TNFRSF1A: variants seen among roughly 807,000 people sequenced by gnomAD.
TNFRSF1A encodes the protein tumor necrosis factor receptor superfamily member 1A.
TNFRSF1A carries 9 observed loss-of-function variants against 41.6 expected under a neutral mutation model. The ratio of observed to expected loss-of-function variants is 0.22; its 90% CI spans 0.13 to 0.38. TNFRSF1A has a LOEUF of 0.38. Ranked by LOEUF, TNFRSF1A falls within the 10% of genes least tolerant of loss-of-function variation. TNFRSF1A has a pLI of 1.00. For synonymous variants in TNFRSF1A, 254 were observed against 248.6 expected, an observed-to-expected ratio of 1.02 and a Z score of -0.21; for missense variants, 463 against 591.5, an observed-to-expected ratio of 0.78 and a Z score of 2.25.
intron 1 of TNFRSF1A, among the ~76,000 whole-genome samples, chr12:6,338,528 C>A (rs1948147842): frequency 6.6e-6 from 1 of 152,054 alleles, no homozygotes; most frequent in Non-Finnish European, 1.5e-5. Flanking sequence ...CTCCAAACAG[C>A]ATTTCCATGG....
Position 6,341,694 on chromosome 12 carries a change from C to A in TNFRSF1A, c.39+82G>T. 1 of 1,527,982 alleles carries A rather than the reference C, an allele frequency of 6.5e-7. No homozygotes were observed. The allele number at this position is 1,527,982 out of a possible 1,614,324, so 94.7% of individuals were successfully genotyped here. On this transcript the variant is annotated intron_variant, in intron 1 of 9. Transcript: ENST00000162749. This position sits in a 1 kb window ranked among gnomAD's most constrained non-coding sequence, Gnocchi z 4.6. ...GGACCAGGCCCGGGCAGGAGAGGCT[C>A]GGCCCCCTCCCGGAGAGGGCCCACG... is the stretch of plus-strand genomic sequence containing the variant.
intron 8 of TNFRSF1A, 29 bp from the exon 9 acceptor site, chr12:6,330,095 G>A: frequency 6.2e-7 from 1 of 1,612,560 alleles, no homozygotes; most frequent in Non-Finnish European, 8.5e-7. Context: ...CGCAGCATTA[G>A]TGCGGCAGCG....
rs151344627 is a variant in TNFRSF1A, at chr12:6,335,225, G to A, written c.40-981C>T. ...TCCACCTCAAAATTTACAAACACCC[G>A]GGGTTGGCAAGGACAAATGGGGAGG... On this transcript the variant is annotated intron_variant, in intron 1 of 9. Transcript: ENST00000162749. Among the ~76,000 whole-genome samples the A allele has an allele frequency of 2.5e-3, 379 of 152,234 alleles. 2 individuals carry two copies. Among genetic ancestry groups the A allele is most frequent in the Non-Finnish European group, 4.3e-3 (290 of 68,014 alleles).
Position 6,330,844 on chromosome 12 carries a change from T to TCTC in TNFRSF1A, c.625+6_625+8dup. 6.2e-7 allele frequency: 1 copy of TCTC among 1,612,906 alleles called. No homozygotes were observed. Among genetic ancestry groups the TCTC allele is most frequent in the Non-Finnish European group, 8.5e-7 (1 of 1,179,228 alleles). On this transcript the variant is annotated intron_variant, in intron 6 of 9. Coordinates refer to ENST00000162749, the MANE Select transcript of TNFRSF1A (RefSeq NM_001065.4). ...AGGTGAGCATGGGCACCAGGTCACT[T>TCTC]CTCCTCACCTGAGTCCTCAGTGCCC...
chr12:6,340,750 C>A (rs895983507), intron 1 of TNFRSF1A, among the ~76,000 whole-genome samples: 2 of 152,144 alleles, frequency 1.3e-5, no homozygotes, highest in Non-Finnish European at 2.9e-5. Context: ...GTAGGCGCAG[C>A]CTTCAGAGGC....
At position 6,328,985 on chromosome 12, in the gene TNFRSF1A, GA is replaced by G; in HGVS notation, c.*326del. 8.3e-6 allele frequency: 3 copies of G among 362,446 alleles called. No individual in the cohort carries two copies. Among genetic ancestry groups the G allele is most frequent in the East Asian group, 4.1e-5 (1 of 24,402 alleles). The allele number at this position is 362,446 out of a possible 1,614,324, so 22.5% of individuals were successfully genotyped here. A position where few individuals can be genotyped will look rare whatever the true frequency, so the allele number is the denominator to read the frequency against. ...ACAAAAAAAACTGCTTATGCACTGT[GA>G]AAAAGGCTCAGGGACGAACCAGGGG... On this transcript the variant is annotated 3_prime_UTR_variant, in exon 10 of 10. Transcript: ENST00000162749.
At chr12:6,339,839 T>TCACACACACA (rs1312763687) in intron 1 of TNFRSF1A, among the ~76,000 whole-genome samples, 2 of 120,888 alleles carry the variant, frequency 1.7e-5, no homozygotes, top group African/African-American at 6.2e-5. Flanking sequence ...TCTCTCTCTC[T>TCACACACACA]CTCACACACA....
Position 6,333,348 on chromosome 12 carries a change from T to C in TNFRSF1A, c.472+19A>G. 6.2e-7 allele frequency: 1 copy of C among 1,612,058 alleles called. No individual in the cohort carries two copies. The highest frequency in any genetic ancestry group is 8.5e-7 in the Non-Finnish European group (1 of 1,179,164). On this transcript the variant is annotated intron_variant, in intron 4 of 9. Coordinates refer to ENST00000162749, the MANE Select transcript of TNFRSF1A (RefSeq NM_001065.4). The surrounding 1 kb of genome is among the most constrained non-coding windows in gnomAD (Gnocchi z 6.3). Reference sequence around the variant, plus strand: ...CCTGGGGTGGGGAGAGGGCTTGGCCTCAGGAGAGCTGCGCTCACAGGAGAG... The same window carrying C: ...CCTGGGGTGGGGAGAGGGCTTGGCCCCAGGAGAGCTGCGCTCACAGGAGAG...
chr12:6,331,312 G>A, intron 5 of TNFRSF1A: 1 of 331,990 alleles, frequency 3.0e-6, no homozygotes, highest in South Asian at 2.6e-5. Flanking sequence ...CATTTAATAA[G>A]TGCTTGAGAA....
In TNFRSF1A at chr12:6,329,848, G is replaced by A. The variant is rs138261783; in HGVS notation, c.987C>T (p.Leu329=). 105 of 1,601,856 alleles carry A rather than the reference G, an allele frequency of 6.6e-5. No homozygotes were observed. In the African/African-American group the frequency reaches 1.4e-3, roughly 21 times the overall value. ...QGADPILATA[L]ASDPIPNPLQ... ...GGGGGTTGGGGATGGGGTCGGAGGC[G>A]AGGGCTGTCGCAAGGATGGGGTCAG... The change falls in exon 9 of 10, where the codon CTC becomes CTT. Residue 329 remains leucine, a synonymous_variant. Transcript: ENST00000162749.
intron 1 of TNFRSF1A, among the ~76,000 whole-genome samples, chr12:6,339,994 A>G (rs565148794): frequency 2.7e-4 from 41 of 152,194 alleles, no homozygotes; most frequent in Middle Eastern, 3.4e-3. Context: ...ACATAATCCC[A>G]CCTGGGCTGA....
chr12:6,331,188 C>T (rs1331295531), intron 5 of TNFRSF1A: 9 of 524,334 alleles, frequency 1.7e-5, no homozygotes, highest in Non-Finnish European at 3.1e-5. Context: ...CAGTTCATTC[C>T]TTGGCTAGCA....
At chr12:6,338,881 C>T (rs556294291) in intron 1 of TNFRSF1A, among the ~76,000 whole-genome samples, 88 of 152,292 alleles carry the variant, frequency 5.8e-4, no homozygotes, top group African/African-American at 1.6e-3. Flanking sequence ...CCACACACCT[C>T]GGCCTCCTGA....
intron 5 of TNFRSF1A, chr12:6,331,876 C>G (rs1284606775): frequency 5.5e-6 from 1 of 182,394 alleles, no homozygotes; most frequent in Non-Finnish European, 1.2e-5. Context: ...TGGCACGTGC[C>G]TGTAATCCCA....
chr12:6,332,208 AG>A (rs1948059242), intron 5 of TNFRSF1A, among the ~76,000 whole-genome samples: 1 of 151,938 alleles, frequency 6.6e-6, no homozygotes, highest in Non-Finnish European at 1.5e-5. Flanking sequence ...TGGGAGGCTG[AG>A]GCGGAAGATC....
In TNFRSF1A at chr12:6,329,161, T is replaced by G; in HGVS notation, c.*151A>C. ...TGACTGTCGGCGGCGCGCAGGCAGC[T>G]GAGAAAAGCTATGTACATCGAGGGG... On this transcript the variant is annotated 3_prime_UTR_variant, in exon 10 of 10. Coordinates refer to ENST00000162749, the MANE Select transcript of TNFRSF1A (RefSeq NM_001065.4). 5 of 718,166 alleles carry G rather than the reference T, an allele frequency of 7.0e-6. No individual in the cohort carries two copies. Among genetic ancestry groups the G allele is most frequent in the African/African-American group, 1.8e-5 (1 of 54,648 alleles). 44.5% of individuals were successfully genotyped at this position (718,166 alleles called of 1,614,324 possible). A position where few individuals can be genotyped will look rare whatever the true frequency, so the allele number is the denominator to read the frequency against.
In TNFRSF1A at chr12:6,334,613, T is replaced by A. The variant is rs2136823867; in HGVS notation, c.40-369A>T. 6.6e-6 allele frequency among the ~76,000 whole-genome samples: 1 copy of A among 152,256 alleles called. No homozygotes were observed. Among genetic ancestry groups the A allele is most frequent in the South Asian group, 2.1e-4 (1 of 4,828 alleles). ...CCCACGCTCAAGCAGTCCTCCCACC[T>A]TAGCCTCCTGAATAGCTGGGACTAC... is the stretch of plus-strand genomic sequence containing the variant. On this transcript the variant is annotated intron_variant, in intron 1 of 9. Coordinates refer to ENST00000162749, the MANE Select transcript of TNFRSF1A (RefSeq NM_001065.4). This position sits in a 1 kb window ranked among gnomAD's most constrained non-coding sequence, Gnocchi z 5.1.
Position 6,333,355 on chromosome 12 carries a change from A to C in TNFRSF1A, c.472+12T>G, listed in dbSNP as rs1347853548. Reference sequence around the variant, plus strand: ...TGGGGAGAGGGCTTGGCCTCAGGAGAGCTGCGCTCACAGGAGAGGTGCACG... The same window carrying C: ...TGGGGAGAGGGCTTGGCCTCAGGAGCGCTGCGCTCACAGGAGAGGTGCACG... On this transcript the variant is annotated intron_variant, in intron 4 of 9. Transcript: ENST00000162749. The surrounding 1 kb of genome is among the most constrained non-coding windows in gnomAD (Gnocchi z 6.3). 6.2e-7 allele frequency: 1 copy of C among 1,612,648 alleles called. No homozygotes were observed. Among genetic ancestry groups the C allele is most frequent in the African/African-American group, 1.3e-5 (1 of 74,866 alleles).
Position 6,329,221 on chromosome 12 carries a change from G to T in TNFRSF1A, c.*91C>A. 7.8e-7 allele frequency: 1 copy of T among 1,282,120 alleles called. No homozygotes were observed. The highest frequency in any genetic ancestry group is 1.0e-6 in the Non-Finnish European group (1 of 971,474). 79.4% of individuals were successfully genotyped at this position (1,282,120 alleles called of 1,614,324 possible). On this transcript the variant is annotated 3_prime_UTR_variant, in exon 10 of 10. Transcript: ENST00000162749. ...AGTAGGCGGCTGCTAGCTCCTGCTT[G>T]CCCCTGCAGGACCCCTCCTTTCCAG...
Sources: allele counts gnomAD v4.1 joint callset (sites outside exome capture counted in the v4.1 genomes callset), GRCh38; gene constraint gnomAD v4.1.1; non-coding constraint Gnocchi (gnomAD v3.1); transcripts MANE v1.5; gene names NCBI Gene and HGNC (gene_info 2026-07-23, HGNC 2026-07-21).